MARCHF8: variants seen among roughly 807,000 people sequenced by gnomAD.
The protein encoded by MARCHF8 is E3 ubiquitin-protein ligase MARCHF8.
Under a neutral mutation model 51.6 loss-of-function variants are expected in MARCHF8, and 40 were observed. That is an observed-to-expected ratio of 0.77 (90% CI 0.60 to 1.01). The LOEUF is 1.01. MARCHF8 is among the 50% of genes least tolerant of loss of function. The pLI, the probability that MARCHF8 is intolerant of heterozygous loss-of-function variation, is 0.00. For synonymous variants in MARCHF8, 263 were observed against 280.3 expected, an observed-to-expected ratio of 0.94 and a Z score of 0.62; for missense variants, 685 against 708.6, an observed-to-expected ratio of 0.97 and a Z score of 0.38.
At chr10:45,576,379 A>G (rs1264090689) in intron 1 of MARCHF8, among the ~76,000 whole-genome samples, 1 of 152,192 alleles carries the variant, frequency 6.6e-6, no homozygotes, top group Non-Finnish European at 1.5e-5. Context: ...ATAGATCTGA[A>G]CCTAAAGCCA....
chr10:45,558,111 C>A (rs1450793092), intron 1 of MARCHF8, among the ~76,000 whole-genome samples: 1 of 152,116 alleles, frequency 6.6e-6, no homozygotes, highest in African/African-American at 2.4e-5. Context: ...TTTTCAAAAT[C>A]ATTTTCATAC....
intron 3 of MARCHF8, among the ~76,000 whole-genome samples, chr10:45,467,254 T>C (rs1843000857): frequency 6.6e-6 from 1 of 152,230 alleles, no homozygotes; most frequent in African/African-American, 2.4e-5. Flanking sequence ...GTCTCTCTTC[T>C]TATTAGATCA....
intron 3 of MARCHF8, among the ~76,000 whole-genome samples, chr10:45,473,339 C>T (rs1196897472): frequency 1.3e-5 from 2 of 152,356 alleles, no homozygotes; most frequent in East Asian, 1.9e-4. Flanking sequence ...GTACATATCA[C>T]AGTCTGCAAG....
chr10:45,475,393 T>C (rs1338249233), intron 3 of MARCHF8, among the ~76,000 whole-genome samples: 1 of 144,848 alleles, frequency 6.9e-6, no homozygotes, highest in Non-Finnish European at 1.5e-5. Flanking sequence ...TGTTAGAGCC[T>C]GAATGCATCC....
Position 45,463,913 on chromosome 10 carries a change from G to GACCA in MARCHF8, c.325_326insTGGT (p.Ser109LeufsTer14), listed in dbSNP as rs1412566342. On this transcript the variant is annotated frameshift_variant, in exon 5 of 8. Transcript: ENST00000453424. LOFTEE classifies it high-confidence loss of function. ...TGTCACAGTGAGCCCTTGTGTCAGAGAACTCTGGCAGTGAGGAGCTTTCGA... is the reference window on the plus strand; with the variant it reads ...TGTCACAGTGAGCCCTTGTGTCAGAGACCAAACTCTGGCAGTGAGGAGCTTTCGA... The GACCA allele has an allele frequency of 2.0e-6, 3 of 1,536,338 alleles. No individual in the cohort carries two copies. The highest frequency in any genetic ancestry group is 3.9e-5 in the Admixed American group (2 of 50,988).
chr10:45,558,010 A>G (rs1017647607), intron 1 of MARCHF8, among the ~76,000 whole-genome samples: 6 of 152,256 alleles, frequency 3.9e-5, no homozygotes, highest in African/African-American at 1.4e-4. Flanking sequence ...AATGATCAGT[A>G]TCAGTGACCA....
chr10:45,464,628 T>C, intron 3 of MARCHF8, among the ~76,000 whole-genome samples: 1 of 152,126 alleles, frequency 6.6e-6, no homozygotes, highest in East Asian at 1.9e-4. Context: ...CATATATAAG[T>C]CAAAAAACGA....
intron 2 of MARCHF8, among the ~76,000 whole-genome samples, chr10:45,515,249 T>C (rs2043598903): frequency 6.6e-6 from 1 of 152,212 alleles, no homozygotes; most frequent in African/African-American, 2.4e-5. Context: ...AATGGTATCA[T>C]CTCAACTGCA....
At chr10:45,565,789 T>G (rs1025723835) in intron 1 of MARCHF8, among the ~76,000 whole-genome samples, 3 of 152,180 alleles carry the variant, frequency 2.0e-5, no homozygotes, top group Non-Finnish European at 2.9e-5. Flanking sequence ...CCACTGCTCT[T>G]GGGAAAATAG....
At chr10:45,461,633 G>A in intron 5 of MARCHF8, 2 of 375,294 alleles carry the variant, frequency 5.3e-6, no homozygotes, top group Non-Finnish European at 9.4e-6. Context: ...TTTGGCAACA[G>A]AAAGGAAAAA....
rs777921706 is a variant in MARCHF8 at position 45,464,318 on chromosome 10, G to T, written c.163C>A (p.Pro55Thr). 6.2e-7 allele frequency: 1 copy of T among 1,614,016 alleles called. No homozygotes were observed. The highest frequency in any genetic ancestry group is 2.2e-5 in the East Asian group (1 of 44,888). The change falls in exon 4 of 8, where the codon CCT (proline) becomes ACT (threonine). Residue 55 changes from proline (P) to threonine (T), a missense_variant. Physicochemically the swap from Pro to Thr is conservative, Grantham distance 38. Transcript: ENST00000453424. ...HSSNISKAGS[P>T]PSASAPAPVS... Reference sequence around the variant, plus strand: ...GGAGCCGGAGCTGATGCTGACGGAGGACTCCCAGCCTGCAATGACAGACCT... The same window carrying T: ...GGAGCCGGAGCTGATGCTGACGGAGTACTCCCAGCCTGCAATGACAGACCT...
At chr10:45,466,221 T>C (rs1259513925) in intron 3 of MARCHF8, among the ~76,000 whole-genome samples, 1 of 152,104 alleles carries the variant, frequency 6.6e-6, no homozygotes, top group East Asian at 1.9e-4. Flanking sequence ...CATGCTAAGG[T>C]CCCCAAACTC....
intron 2 of MARCHF8, among the ~76,000 whole-genome samples, chr10:45,504,489 C>A (rs2043343610): frequency 6.6e-6 from 1 of 152,026 alleles, no homozygotes; most frequent in South Asian, 2.1e-4. Context: ...GTATAAAACA[C>A]TGTGCTATAC....
chr10:45,584,480 T>C (rs1269602779), intron 1 of MARCHF8, among the ~76,000 whole-genome samples: 1 of 151,932 alleles, frequency 6.6e-6, no homozygotes, highest in Non-Finnish European at 1.5e-5. Context: ...AGCCTAAATA[T>C]CTGACAATAT....
chr10:45,458,270 T>A lies in MARCHF8; in HGVS notation c.1691A>T (p.Glu564Val), dbSNP rs1842668963. The A allele has an allele frequency of 1.2e-6, 2 of 1,613,532 alleles. No individual in the cohort carries two copies. Among genetic ancestry groups the A allele is most frequent in the African/African-American group, 2.7e-5 (2 of 74,886 alleles). ...GTGAATGATTTCTGCTCCAGTGTCT[T>A]CAGGCTCTGTGCAACAAGAAGAGTT... ...DTNSSCCTEPEDTGAEIIHV is the reference protein window; with the variant it reads ...DTNSSCCTEPVDTGAEIIHV The change falls in exon 8 of 8, where the codon GAA becomes GTA. Residue 564 changes from glutamate to valine, a missense_variant. Physicochemically the swap from Glu to Val is moderately radical, Grantham distance 121. Coordinates refer to ENST00000453424, the MANE Select transcript of MARCHF8 (RefSeq NM_001282866.2).
chr10:45,491,603 C>A (rs1344971028), intron 2 of MARCHF8, among the ~76,000 whole-genome samples: 1 of 152,206 alleles, frequency 6.6e-6, no homozygotes, highest in Non-Finnish European at 1.5e-5. Flanking sequence ...ATTATTCACA[C>A]ATTCATTCAC....
intron 1 of MARCHF8, among the ~76,000 whole-genome samples, chr10:45,547,393 C>G (rs751549463): frequency 6.6e-6 from 1 of 152,114 alleles, no homozygotes; most frequent in Non-Finnish European, 1.5e-5. Context: ...CAAGCTTTCA[C>G]AGCCATATTT....
At chr10:45,555,738 T>A (rs1168744956) in intron 1 of MARCHF8, among the ~76,000 whole-genome samples, 2 of 140,706 alleles carry the variant, frequency 1.4e-5, no homozygotes, top group African/African-American at 5.3e-5. Flanking sequence ...TGTAAGACCC[T>A]GTCTCAAAAA....
At chr10:45,462,202 T>C (rs552827067) in intron 5 of MARCHF8, 3 of 152,254 alleles carry the variant, frequency 2.0e-5, no homozygotes, top group Admixed American at 1.3e-4. Flanking sequence ...ATCCAAATGT[T>C]AGAAATGATG....
Sources: allele counts gnomAD v4.1 joint callset (sites outside exome capture counted in the v4.1 genomes callset), GRCh38; gene constraint gnomAD v4.1.1; transcripts MANE v1.5; gene names NCBI Gene and HGNC (gene_info 2026-07-23, HGNC 2026-07-21).